The following PPP4R3A variants were observed in gnomAD, a reference collection of about 807,000 sequenced individuals.
The protein encoded by PPP4R3A is protein phosphatase 4 regulatory subunit 3A, also known as serine/threonine-protein phosphatase 4 regulatory subunit 3A.
In PPP4R3A, 15 loss-of-function variants were observed where a neutral mutation model predicts 91.7. The observed-to-expected ratio is 0.16, with a 90% confidence interval of 0.11 to 0.25. The LOEUF is 0.25. Ranked by LOEUF, PPP4R3A falls within the 10% of genes least tolerant of loss-of-function variation. The pLI is 1.00. For synonymous variants in PPP4R3A, 377 were observed against 348.7 expected, an observed-to-expected ratio of 1.08 and a Z score of -0.91; for missense variants, 623 against 998.4, an observed-to-expected ratio of 0.62 and a Z score of 5.07.
At chr14:91,498,310 A>T (rs944881538) in intron 1 of PPP4R3A, among the ~76,000 whole-genome samples, 1 of 151,874 alleles carries the variant, frequency 6.6e-6, no homozygotes, top group African/African-American at 2.4e-5. Context: ...ACTCCAGCCT[A>T]ATTGACAGTG....
intron 14 of PPP4R3A, among the ~76,000 whole-genome samples, chr14:91,460,841 G>T (rs557381870): frequency 1.3e-5 from 2 of 151,822 alleles, no homozygotes; most frequent in African/African-American, 4.8e-5. Flanking sequence ...GGACGGTCTC[G>T]ATCTCCTGAC....
At chr14:91,508,668 C>T (rs1207132880) in intron 1 of PPP4R3A, among the ~76,000 whole-genome samples, 1 of 152,088 alleles carries the variant, frequency 6.6e-6, no homozygotes, top group African/African-American at 2.4e-5. Flanking sequence ...AAAGAAAAAA[C>T]GTGAAACACT....
intron 1 of PPP4R3A, among the ~76,000 whole-genome samples, chr14:91,498,445 T>C (rs544785074): frequency 6.6e-6 from 1 of 152,300 alleles, no homozygotes; most frequent in Admixed American, 6.5e-5. Context: ...TTTAAGTGAT[T>C]TTTTTCCTAA....
At chr14:91,469,769 A>T (rs1457629835) in intron 10 of PPP4R3A, among the ~76,000 whole-genome samples, 4 of 151,876 alleles carry the variant, frequency 2.6e-5, no homozygotes, top group Admixed American at 6.6e-5. Context: ...TCACCATGTT[A>T]CCCAGGCTGG....
intron 1 of PPP4R3A, 149 bp downstream of exon 1, chr14:91,509,357 G>T: frequency 8.9e-7 from 1 of 1,120,716 alleles, no homozygotes; most frequent in Non-Finnish European, 1.2e-6. Context: ...CAAGACTGGG[G>T]TACCTGGGGC....
chr14:91,504,665 G>A (rs1566657956), intron 1 of PPP4R3A, among the ~76,000 whole-genome samples: 1 of 151,728 alleles, frequency 6.6e-6, no homozygotes, highest in Non-Finnish European at 1.5e-5. Context: ...TTTGCCAGCA[G>A]AAACCTACTG....
At chr14:91,478,017 C>T (rs1295527174) in intron 4 of PPP4R3A, among the ~76,000 whole-genome samples, 2 of 152,200 alleles carry the variant, frequency 1.3e-5, no homozygotes, top group African/African-American at 4.8e-5. Context: ...ACATGCCTCA[C>T]TCTAAATACA....
chr14:91,504,602 C>CA (rs11332483), intron 1 of PPP4R3A, among the ~76,000 whole-genome samples: 5,387 of 132,396 alleles, frequency 0.041, 153 homozygotes, highest in African/African-American at 0.083. Flanking sequence ...AACACTGACT[C>CA]AAAAAAAAAA....
At chr14:91,509,301 C>T (rs1054677323) in intron 1 of PPP4R3A, among the ~76,000 whole-genome samples, 3 of 152,218 alleles carry the variant, frequency 2.0e-5, no homozygotes, top group African/African-American at 7.2e-5. Flanking sequence ...TGCCACCAGG[C>T]ACTCAGAGAA....
chr14:91,506,196 C>T (rs560595667), intron 1 of PPP4R3A, among the ~76,000 whole-genome samples: 1 of 152,340 alleles, frequency 6.6e-6, no homozygotes, highest in East Asian at 1.9e-4. Flanking sequence ...ATCTGCCCGC[C>T]TTGGCCTCCC....
At chr14:91,504,891 C>A (rs1223523345) in intron 1 of PPP4R3A, among the ~76,000 whole-genome samples, 1 of 152,182 alleles carries the variant, frequency 6.6e-6, no homozygotes, top group Non-Finnish European at 1.5e-5. Context: ...GCTCCCCTAA[C>A]AAGAACTGAG....
At position 91,462,198 on chromosome 14, in the gene PPP4R3A, G is replaced by T; in HGVS notation, c.2015C>A (p.Ala672Asp). ...ILRNHRYRRD[A>D]RTLEDEEEMW... ...CTCTTCTTCATCTTCTAGTGTTCTGGCATCTCTTCGATATCTGTGATTCCT... is the reference window on the plus strand; with the variant it reads ...CTCTTCTTCATCTTCTAGTGTTCTGTCATCTCTTCGATATCTGTGATTCCT... Residue 672 changes from alanine to aspartate, a missense_variant, in exon 13 of 15, where the codon GCC becomes GAC. By Grantham distance (126) the Ala-to-Asp change is moderately radical (BLOSUM62 -2). Around this residue, in one of 5 missense-constraint regions of PPP4R3A, gnomAD observed 201 missense variants for 229.9 expected, o/e 0.87. Coordinates refer to ENST00000554943, the MANE Select transcript of PPP4R3A (RefSeq NM_001366432.2). The T allele has an allele frequency of 6.3e-7, 1 of 1,597,934 alleles. No individual in the cohort carries two copies.
At chr14:91,498,827 T>C (rs186384842) in intron 1 of PPP4R3A, among the ~76,000 whole-genome samples, 2 of 150,568 alleles carry the variant, frequency 1.3e-5, no homozygotes, top group African/African-American at 4.9e-5. Flanking sequence ...GGCAGGAGAA[T>C]TGCATGAACC....
At chr14:91,495,011 C>T (rs1392157310) in intron 1 of PPP4R3A, among the ~76,000 whole-genome samples, 1 of 152,016 alleles carries the variant, frequency 6.6e-6, no homozygotes, top group Non-Finnish European at 1.5e-5. Context: ...TAAAATGAGG[C>T]ATCAATTTTG....
chr14:91,465,530 AATT>A (rs1888419234), intron 10 of PPP4R3A, 111 bp from the exon 11 acceptor site: 1 of 907,952 alleles, frequency 1.1e-6, no homozygotes, highest in Non-Finnish European at 1.6e-6. Flanking sequence ...ACATATCAAT[AATT>A]ATTTATGATG....
chr14:91,472,701 C>T (rs534436488), intron 9 of PPP4R3A, among the ~76,000 whole-genome samples: 2 of 152,132 alleles, frequency 1.3e-5, no homozygotes, highest in African/African-American at 4.8e-5. Flanking sequence ...GATCTCCTGA[C>T]CTCATGATCC....
intron 2 of PPP4R3A, among the ~76,000 whole-genome samples, chr14:91,486,933 C>A (rs1595073252): frequency 7.4e-6 from 1 of 135,836 alleles, no homozygotes; most frequent in East Asian, 2.1e-4. Context: ...AATAGAGAGT[C>A]AAAATATTTA....
At chr14:91,498,400 G>C (rs1032039046) in intron 1 of PPP4R3A, among the ~76,000 whole-genome samples, 1 of 151,352 alleles carries the variant, frequency 6.6e-6, no homozygotes, top group Non-Finnish European at 1.5e-5. Flanking sequence ...TTTTCTTAAT[G>C]ATATTTTGTT....
intron 10 of PPP4R3A, among the ~76,000 whole-genome samples, chr14:91,468,066 A>T (rs1287519442): frequency 6.6e-6 from 1 of 152,192 alleles, no homozygotes; most frequent in East Asian, 1.9e-4. Flanking sequence ...AATGACAGAC[A>T]TCTTTGTTAG....
Sources: gnomAD v4.1 joint callset for allele counts (sites outside exome capture counted in the v4.1 genomes callset) on GRCh38, gnomAD v4.1.1 for gene constraint, gnomAD v4.1.1 regional missense constraint, MANE v1.5 for transcripts, NCBI Gene and HGNC (gene_info 2026-07-23, HGNC 2026-07-21) for gene names.